CDC42SE2: variants seen among roughly 807,000 people sequenced by gnomAD.
CDC42SE2 encodes CDC42 small effector 2.
In CDC42SE2, 3 loss-of-function variants were observed where a neutral mutation model predicts 11.5. The observed-to-expected ratio is 0.26, with a 90% confidence interval of 0.12 to 0.67. The LOEUF (loss-of-function observed/expected upper bound fraction) is 0.67. Ranked by LOEUF, CDC42SE2 falls within the 30% of genes least tolerant of loss-of-function variation. The pLI is 0.80. For missense variants in CDC42SE2, 82 were observed against 106.8 expected, an observed-to-expected ratio of 0.77 and a Z score of 1.02; for synonymous variants, 33 against 34.8, an observed-to-expected ratio of 0.95 and a Z score of 0.18.
chr5:131,366,308 A>G lies in CDC42SE2; in HGVS notation c.54+6761A>G, dbSNP rs934223017. Among the ~76,000 whole-genome samples the G allele has an allele frequency of 3.5e-4, 54 of 152,246 alleles. 1 individual carries two copies. The highest frequency in any genetic ancestry group is 1.8e-3 in the Admixed American group (28 of 15,282). ...CTCTTTTCAAAACTGTGGAACAGACAGGTTCTGGTGTTCCAGTACTGTTGT... is the reference window on the plus strand; with the variant it reads ...CTCTTTTCAAAACTGTGGAACAGACGGGTTCTGGTGTTCCAGTACTGTTGT... On this transcript the variant is annotated intron_variant, in intron 3 of 4. Transcript: ENST00000505065.
At chr5:131,230,461 A>G in the CDC42SE2 span, among the ~76,000 whole-genome samples, 1 of 152,248 alleles carries the variant, frequency 6.6e-6, no homozygotes, top group South Asian at 2.1e-4. Flanking sequence ...AAAAAAGTGA[A>G]AAATGGTGTC....
chr5:131,322,086 G>A (rs1487483307), intron 2 of CDC42SE2, among the ~76,000 whole-genome samples: 9 of 152,108 alleles, frequency 5.9e-5, no homozygotes, highest in Non-Finnish European at 1.2e-4. Context: ...TCCTGACCTC[G>A]TGATTCACCT....
chr5:131,268,456 C>CT (rs71000984), intron 1 of CDC42SE2, among the ~76,000 whole-genome samples: 35 of 146,072 alleles, frequency 2.4e-4, no homozygotes, highest in African/African-American at 6.1e-4. Flanking sequence ...TTTAACTTTT[C>CT]TTTTTTTTTT....
chr5:131,247,800 C>T (rs1756608746), intron 1 of CDC42SE2, among the ~76,000 whole-genome samples: 1 of 152,052 alleles, frequency 6.6e-6, no homozygotes, highest in South Asian at 2.1e-4. Context: ...ACAAGCCCAG[C>T]TAATTTTTAA....
In CDC42SE2 at chr5:131,393,033, T is replaced by G. The variant is rs1312277172; in HGVS notation, c.*1942T>G. On this transcript the variant is annotated 3_prime_UTR_variant, in exon 5 of 5. Transcript: ENST00000505065. ...ATATTTCAAATATTTCTGTAAAGGT[T>G]TCTTCTTTTCTGTTAGAGTGTGGTG... 6.6e-6 allele frequency: 1 copy of G among 152,394 alleles called. No homozygotes were observed. Among genetic ancestry groups the G allele is most frequent in the African/African-American group, 2.4e-5 (1 of 41,582 alleles). 9.4% of individuals were successfully genotyped at this position (152,394 alleles called of 1,614,324 possible). A position where few individuals can be genotyped will look rare whatever the true frequency, so the allele number is the denominator to read the frequency against.
chr5:131,353,316 C>T (rs1749408479), intron 2 of CDC42SE2, among the ~76,000 whole-genome samples: 1 of 147,482 alleles, frequency 6.8e-6, no homozygotes, highest in South Asian at 2.1e-4. Flanking sequence ...CGGTCTTGTT[C>T]TGTTGCCCGG....
chr5:131,247,786 C>T (rs945190607), intron 1 of CDC42SE2, among the ~76,000 whole-genome samples: 3 of 151,950 alleles, frequency 2.0e-5, no homozygotes, highest in African/African-American at 7.3e-5. Context: ...GGATTATAAG[C>T]ACAACAAGCC....
At chr5:131,385,739 A>C in intron 4 of CDC42SE2, 95 bp downstream of exon 4, 1 of 681,496 alleles carries the variant, frequency 1.5e-6, no homozygotes, top group Admixed American at 2.5e-5. Flanking sequence ...GCATTATGCT[A>C]AATGAATTTG....
chr5:131,279,385 A>G (rs1476493143), intron 1 of CDC42SE2, among the ~76,000 whole-genome samples: 4 of 152,104 alleles, frequency 2.6e-5, no homozygotes, highest in Admixed American at 2.0e-4. Context: ...GATTATTGAA[A>G]GGCGTTACTT....
intron 2 of CDC42SE2, among the ~76,000 whole-genome samples, chr5:131,321,565 C>G (rs1470451958): frequency 6.6e-6 from 1 of 151,950 alleles, no homozygotes; most frequent in Non-Finnish European, 1.5e-5. Context: ...ATGTATAATG[C>G]TACATAAAAA....
the CDC42SE2 span, among the ~76,000 whole-genome samples, chr5:131,231,142 T>A: frequency 6.6e-6 from 1 of 152,218 alleles, no homozygotes; most frequent in East Asian, 1.9e-4. Flanking sequence ...CCAGTTTGTG[T>A]CTTCTCCCTC....
In CDC42SE2 at chr5:131,258,399, T is replaced by TA. The variant is rs560137637; in HGVS notation, n.242+3178dup. On this transcript the variant is annotated intron_variant and non_coding_transcript_variant, in intron 2 of 3. Transcript: ENST00000502840. Reference sequence around the variant, plus strand: ...TTGCCATATATAGATGTTAGCTGTTTAAAAAAAAGAAAAAGGAGTTCTTGG... The same window carrying TA: ...TTGCCATATATAGATGTTAGCTGTTTAAAAAAAAAGAAAAAGGAGTTCTTGG... Among the ~76,000 whole-genome samples, 311 of 152,032 alleles carry TA rather than the reference T, an allele frequency of 2.0e-3. 1 individual carries two copies. The highest frequency in any genetic ancestry group is 7.2e-3 in the African/African-American group (298 of 41,480).
At chr5:131,309,913 A>AT (rs1425526931) in intron 1 of CDC42SE2, among the ~76,000 whole-genome samples, 1 of 151,420 alleles carries the variant, frequency 6.6e-6, no homozygotes, top group African/African-American at 2.4e-5. Flanking sequence ...GGATTCATTA[A>AT]TTTTTTGAAG....
intron 2 of CDC42SE2, among the ~76,000 whole-genome samples, chr5:131,340,038 A>T (rs1178261066): frequency 6.6e-6 from 1 of 152,206 alleles, no homozygotes; most frequent in Non-Finnish European, 1.5e-5. Context: ...AATTAGATTG[A>T]TAGTCTACTT....
At chr5:131,245,109 A>C (rs1385436295), upstream of CDC42SE2, among the ~76,000 whole-genome samples, 1 of 152,206 alleles carries the variant, frequency 6.6e-6, no homozygotes, top group Admixed American at 6.5e-5. Context: ...TTATGAAAAC[A>C]GGAAAGAAAA....
At chr5:131,238,688 T>C in the CDC42SE2 span, among the ~76,000 whole-genome samples, 1 of 140,790 alleles carries the variant, frequency 7.1e-6, no homozygotes, top group Non-Finnish European at 1.5e-5. Context: ...CATTTTACTA[T>C]TTTTTTTTCT....
the CDC42SE2 span, among the ~76,000 whole-genome samples, chr5:131,230,131 G>T: frequency 6.6e-6 from 1 of 151,832 alleles, no homozygotes; most frequent in East Asian, 1.9e-4. Flanking sequence ...AGGTTGCTGA[G>T]CATCCTACTT....
In CDC42SE2 at chr5:131,284,819, C is replaced by G. The variant is rs1757308203; in HGVS notation, c.-455+20653C>G. ...TATTTTCCACACTTTTTACAATGATCATATATTCCTTTTATAATCAAAGTA... is the reference window on the plus strand; with the variant it reads ...TATTTTCCACACTTTTTACAATGATGATATATTCCTTTTATAATCAAAGTA... On this transcript the variant is annotated intron_variant, in intron 1 of 4. Coordinates refer to ENST00000505065, the MANE Select transcript of CDC42SE2 (RefSeq NM_001375635.1). 3.3e-5 allele frequency among the ~76,000 whole-genome samples: 5 copies of G among 152,168 alleles called. No individual in the cohort carries two copies. In the South Asian group the frequency reaches 1.0e-3, roughly 31 times the overall value.
chr5:131,388,470 A>G (rs1207731564), intron 4 of CDC42SE2, among the ~76,000 whole-genome samples: 1 of 152,238 alleles, frequency 6.6e-6, no homozygotes, highest in African/African-American at 2.4e-5. Context: ...GGCTTGACGC[A>G]TATGAAACAG....
Sources: gnomAD v4.1 joint callset for allele counts (sites outside exome capture counted in the v4.1 genomes callset) on GRCh38, gnomAD v4.1.1 for gene constraint, MANE v1.5 for transcripts, NCBI Gene and HGNC (gene_info 2026-07-23, HGNC 2026-07-21) for gene names.